The following UBE2K variants were observed in gnomAD, a reference collection of about 807,000 sequenced individuals.
The protein encoded by UBE2K is ubiquitin conjugating enzyme E2 K, also known as ubiquitin-conjugating enzyme E2 K.
UBE2K carries 6 observed loss-of-function variants against 30.0 expected under a neutral mutation model. That is an observed-to-expected ratio of 0.20 (90% CI 0.11 to 0.39). The LOEUF is 0.39. UBE2K is among the 10% of genes least tolerant of loss of function. The probability of loss-of-function intolerance (pLI) is 1.00; values close to 1 mark genes in which losing one functional copy is unlikely to be tolerated. For missense variants in UBE2K, 61 were observed against 241.6 expected (o/e 0.25, Z 4.96); for synonymous variants, 86 against 83.7 (o/e 1.03, Z -0.15).
chr4:39,756,077 C>T (rs1721503249), intron 4 of UBE2K, among the ~76,000 whole-genome samples: 1 of 152,114 alleles, frequency 6.6e-6, no homozygotes, highest in African/African-American at 2.4e-5. Context: ...AGTCATATCC[C>T]CCTTAGATGG....
intron 2 of UBE2K, among the ~76,000 whole-genome samples, chr4:39,740,869 A>G (rs1173133583): frequency 6.6e-6 from 1 of 151,730 alleles, no homozygotes; most frequent in Non-Finnish European, 1.5e-5. Context: ...TCTCAAAAAA[A>G]AAAAAAAAAA....
chr4:39,777,067 G>A (rs557534990), intron 5 of UBE2K, among the ~76,000 whole-genome samples: 41 of 152,248 alleles, frequency 2.7e-4, no homozygotes, highest in African/African-American at 9.6e-4. Flanking sequence ...CTAAGTAATG[G>A]TGGTTCCAAA....
intron 4 of UBE2K, 61 bp from the exon 5 acceptor site, chr4:39,774,773 A>G (rs188037363): frequency 2.3e-5 from 23 of 1,011,372 alleles, no homozygotes; most frequent in Middle Eastern, 2.3e-4. Context: ...TATTAAGAAA[A>G]TACTTTGCTT....
chr4:39,717,420 A>G (rs1719142635), intron 1 of UBE2K, among the ~76,000 whole-genome samples: 1 of 151,952 alleles, frequency 6.6e-6, no homozygotes, highest in Admixed American at 6.6e-5. Flanking sequence ...AAGTACAGAC[A>G]GGGTTTCACC....
chr4:39,761,421 A>G (rs1179576133), intron 4 of UBE2K: 2 of 152,246 alleles, frequency 1.3e-5, no homozygotes, highest in African/African-American at 2.4e-5. Context: ...AAGTTAGTCA[A>G]CGGTATGAAC....
chr4:39,700,685 T>G (rs1327040297), intron 1 of UBE2K, among the ~76,000 whole-genome samples: 2 of 152,188 alleles, frequency 1.3e-5, no homozygotes, highest in Non-Finnish European at 2.9e-5. Context: ...TCATGTCACT[T>G]TTTTGGTAAA....
intron 4 of UBE2K, chr4:39,770,831 G>A (rs539416280): frequency 2.6e-6 from 4 of 1,544,358 alleles, no homozygotes; most frequent in African/African-American, 2.7e-5. Context: ...TGTCAGATAC[G>A]TCCTCATCCT....
At chr4:39,704,754 C>G (rs1331784467) in intron 1 of UBE2K, among the ~76,000 whole-genome samples, 1 of 151,814 alleles carries the variant, frequency 6.6e-6, no homozygotes, top group Non-Finnish European at 1.5e-5. Flanking sequence ...GTTGCCCAGG[C>G]TGGTCTCGAA....
intron 1 of UBE2K, among the ~76,000 whole-genome samples, chr4:39,735,261 G>A (rs530957978): frequency 3.2e-4 from 48 of 152,314 alleles, no homozygotes; most frequent in African/African-American, 1.1e-3. Context: ...CCAGGCCATA[G>A]TGCAGTGGCA....
intron 4 of UBE2K, among the ~76,000 whole-genome samples, chr4:39,760,620 C>T (rs556287267): frequency 1.3e-5 from 2 of 152,046 alleles, no homozygotes; most frequent in East Asian, 3.9e-4. Context: ...TACGATAGCC[C>T]AGCGCAGTGG....
At chr4:39,724,848 C>T (rs183506110) in intron 1 of UBE2K, among the ~76,000 whole-genome samples, 49 of 151,454 alleles carry the variant, frequency 3.2e-4, no homozygotes, top group African/African-American at 1.0e-3. Context: ...TGAGGCATTA[C>T]GTTTATCTGA....
chr4:39,712,920 C>T (rs910229006), intron 1 of UBE2K, among the ~76,000 whole-genome samples: 1 of 150,752 alleles, frequency 6.6e-6, no homozygotes, highest in African/African-American at 2.4e-5. Context: ...GACTGGAGTG[C>T]CGTGGCGCGA....
intron 2 of UBE2K, among the ~76,000 whole-genome samples, chr4:39,741,259 A>C (rs1258865816): frequency 6.6e-6 from 1 of 152,126 alleles, no homozygotes; most frequent in Middle Eastern, 3.2e-3. Flanking sequence ...CGACAGAGGG[A>C]GACTGCATCT....
intron 1 of UBE2K, among the ~76,000 whole-genome samples, chr4:39,730,807 CTTCT>C (rs1186077596): frequency 1.7e-5 from 2 of 117,934 alleles, no homozygotes; most frequent in African/African-American, 6.0e-5. Flanking sequence ...GCTGCTATAG[CTTCT>C]TTTTTTTTTT....
At chr4:39,698,843 C>T (rs1242563516) in intron 1 of UBE2K, among the ~76,000 whole-genome samples, 4 of 152,180 alleles carry the variant, frequency 2.6e-5, no homozygotes, top group African/African-American at 9.7e-5. Context: ...GGGTTATTGC[C>T]TGTCAGGCCT....
At chr4:39,712,561 A>G (rs897787772) in intron 1 of UBE2K, among the ~76,000 whole-genome samples, 1 of 151,584 alleles carries the variant, frequency 6.6e-6, no homozygotes, top group Non-Finnish European at 1.5e-5. Context: ...TCCTGAGATT[A>G]TAGACGCATG....
intron 4 of UBE2K, among the ~76,000 whole-genome samples, chr4:39,766,476 GT>G (rs958448358): frequency 1.4e-3 from 204 of 143,282 alleles, no homozygotes; most frequent in Non-Finnish European, 1.9e-3. Flanking sequence ...TTTTAACCAG[GT>G]TTTTTTTTTT....
rs563401101 is a variant in UBE2K at position 39,782,326 on chromosome 4, A to G, written c.*3892A>G. 2 of 212,948 alleles carry G rather than the reference A, an allele frequency of 9.4e-6. No homozygotes were observed. Among genetic ancestry groups the G allele is most frequent in the African/African-American group, 2.3e-5 (1 of 44,090 alleles). The allele number at this position is 212,948 out of a possible 1,614,324, so 13.2% of individuals were successfully genotyped here. ...CAGGCATCATAATAAAAGCTAGACT[A>G]TTTCTTTGGGGGGAAAGAGACTTAT... On this transcript the variant is annotated 3_prime_UTR_variant, in exon 7 of 7. Transcript: ENST00000261427.
chr4:39,701,344 TATTC>T (rs1717998224), intron 1 of UBE2K, among the ~76,000 whole-genome samples: 1 of 152,216 alleles, frequency 6.6e-6, no homozygotes, highest in African/African-American at 2.4e-5. Flanking sequence ...ATCAATGTTT[TATTC>T]ATAAGTTTTA....
Sources: allele counts gnomAD v4.1 joint callset (sites outside exome capture counted in the v4.1 genomes callset), GRCh38; gene constraint gnomAD v4.1.1; transcripts MANE v1.5; gene names NCBI Gene and HGNC (gene_info 2026-07-23, HGNC 2026-07-21).